RHD: variants seen among roughly 807,000 people sequenced by gnomAD.
RHD encodes the protein blood group Rh(D) polypeptide.
Under a neutral mutation model 45.5 loss-of-function variants are expected in RHD, and 16 were observed. The ratio of observed to expected loss-of-function variants is 0.35; its 90% confidence interval spans 0.24 to 0.53. The LOEUF (loss-of-function observed/expected upper bound fraction) is 0.53, where lower values mean the gene tolerates loss of function less well. RHD is among the 20% of genes least tolerant of loss of function. The pLI is 0.92. For missense variants in RHD, 306 were observed against 532.0 expected, an observed-to-expected ratio of 0.58 and a Z score of 4.18; for synonymous variants, 131 against 217.5, an observed-to-expected ratio of 0.60 and a Z score of 3.50.
chr1:25,299,551 C>A (rs1420628823), intron 3 of RHD, among the ~76,000 whole-genome samples: 1 of 129,910 alleles, frequency 7.7e-6, no homozygotes, highest in Non-Finnish European at 1.8e-5. Context: ...GCATTTCAGG[C>A]AGCTGAATGA....
chr1:25,303,589 G>A lies in RHD; in HGVS notation c.939+130G>A, dbSNP rs1643568989. The A allele has an allele frequency of 4.1e-6, 4 of 971,746 alleles. 1 individual carries two copies. Among genetic ancestry groups the A allele is most frequent in the Non-Finnish European group, 6.3e-6 (4 of 633,166 alleles). 60.2% of individuals were successfully genotyped at this position (971,746 alleles called of 1,614,324 possible). On this transcript the variant is annotated intron_variant, in intron 6 of 9. Coordinates refer to ENST00000328664, the MANE Select transcript of RHD (RefSeq NM_016124.6). ...GGCGCATTCTCTTATTGGCTTCAACGCCTAGTGAGGGATCCATCCTGGCTC... is the reference window on the plus strand; with the variant it reads ...GGCGCATTCTCTTATTGGCTTCAACACCTAGTGAGGGATCCATCCTGGCTC...
At position 25,299,827 on chromosome 1, in the gene RHD, A is replaced by G. The variant is rs1444698967; in HGVS notation, c.487-1119A>G. 4.6e-5 allele frequency among the ~76,000 whole-genome samples: 6 copies of G among 131,454 alleles called. 2 individuals carry two copies. Among genetic ancestry groups the G allele is most frequent in the Non-Finnish European group, 7.2e-5 (4 of 55,760 alleles). 86.2% of individuals were successfully genotyped at this position (131,454 alleles called of 152,430 possible). Reference sequence around the variant, plus strand: ...TGCAGTGGCGACATCTCAGCTCACTATAGCCTCCGCCTCCCAGGTTCCAGT... The same window carrying G: ...TGCAGTGGCGACATCTCAGCTCACTGTAGCCTCCGCCTCCCAGGTTCCAGT... On this transcript the variant is annotated intron_variant, in intron 3 of 9. Transcript: ENST00000328664.
At chr1:25,295,637 C>T (rs1642870043) in intron 3 of RHD, among the ~76,000 whole-genome samples, 1 of 104,942 alleles carries the variant, frequency 9.5e-6, no homozygotes, top group African/African-American at 3.2e-5. Flanking sequence ...GTCAAGGAGC[C>T]GAGAGGGAAG....
At position 25,282,931 on chromosome 1, in the gene RHD, T is replaced by G. The variant is rs536296290; in HGVS notation, c.149-1642T>G. ...TGTCTACATGCTGGTTGCAGAAAAT[T>G]TAAACACTAAAACTAAAAAAGTAAA... On this transcript the variant is annotated intron_variant, in intron 1 of 9. Transcript: ENST00000328664. 2.3e-5 allele frequency among the ~76,000 whole-genome samples: 3 copies of G among 131,502 alleles called. 1 individual carries two copies. The highest frequency in any genetic ancestry group is 5.4e-5 in the Non-Finnish European group (3 of 55,492). 86.3% of individuals were successfully genotyped at this position (131,502 alleles called of 152,430 possible). A position where few individuals can be genotyped will look rare whatever the true frequency, so the allele number is the denominator to read the frequency against.
Position 25,290,215 on chromosome 1 carries a change from T to C in RHD, c.336-426T>C, listed in dbSNP as rs1290446407. Among the ~76,000 whole-genome samples the C allele has an allele frequency of 1.2e-3, 160 of 128,440 alleles. 8 individuals carry two copies. Among genetic ancestry groups the C allele is most frequent in the African/African-American group, 3.3e-3 (120 of 36,910 alleles). The allele number at this position is 128,440 out of a possible 152,430, so 84.3% of individuals were successfully genotyped here. Reference sequence around the variant, plus strand: ...CCCAGATGGGGATGGGGTGACTGGATGTGGGCAGGCCTGCGGGGGAAGAGT... The same window carrying C: ...CCCAGATGGGGATGGGGTGACTGGACGTGGGCAGGCCTGCGGGGGAAGAGT... On this transcript the variant is annotated intron_variant, in intron 2 of 9. Coordinates refer to ENST00000328664, the MANE Select transcript of RHD (RefSeq NM_016124.6).
In RHD at chr1:25,299,206, A is replaced by AC. The variant is rs1306124447; in HGVS notation, c.487-1736dup. The stretch of plus-strand genomic sequence containing the variant: ...AGACCAGGCTGGGGAACATGGTGAA[A>AC]CCCCGTCTCTACTAAAAATACAAAA... On this transcript the variant is annotated intron_variant, in intron 3 of 9. Coordinates refer to ENST00000328664, the MANE Select transcript of RHD (RefSeq NM_016124.6). Among the ~76,000 whole-genome samples the AC allele has an allele frequency of 2.3e-5, 3 of 127,830 alleles. No homozygotes were observed. The East Asian group carries it at 5.9e-4, about 25-fold the overall frequency. The allele number at this position is 127,830 out of a possible 152,430, so 83.9% of individuals were successfully genotyped here.
intron 1 of RHD, among the ~76,000 whole-genome samples, chr1:25,276,532 T>TAAAAAAAAAAAAAAAAAAAAA (rs557746335): frequency 2.3e-4 from 15 of 64,780 alleles, no homozygotes; most frequent in African/African-American, 1.0e-3. Context: ...CCCCCATCTC[T>TAAAAAAAAAAAAAAAAAAAAA]AAAAAAAAAA....
intron 6 of RHD, chr1:25,304,962 T>C (rs1259242744): frequency 7.5e-6 from 1 of 132,558 alleles, no homozygotes; most frequent in Non-Finnish European, 1.8e-5. Context: ...CATTCATTCA[T>C]ATATTCATTC....
intron 3 of RHD, among the ~76,000 whole-genome samples, chr1:25,299,253 G>T (rs1643193684): frequency 7.8e-6 from 1 of 128,450 alleles, no homozygotes. Context: ...ACGGTGGTGG[G>T]TGCCTGTAAT....
chr1:25,295,672 G>C lies in RHD; in HGVS notation c.486+4881G>C, dbSNP rs1377252293. Among the ~76,000 whole-genome samples, 4 of 106,738 alleles carry C rather than the reference G, an allele frequency of 3.7e-5. 1 individual carries two copies. The highest frequency in any genetic ancestry group is 2.8e-4 in the South Asian group (1 of 3,624). 70.0% of individuals were successfully genotyped at this position (106,738 alleles called of 152,430 possible). The stretch of plus-strand genomic sequence containing the variant: ...GGAGTTGGGTGGACTAAGATCATTT[G>C]TGGAAGAATGATGGAGAGAAAGGCT... On this transcript the variant is annotated intron_variant, in intron 3 of 9. Coordinates refer to ENST00000328664, the MANE Select transcript of RHD (RefSeq NM_016124.6).
At chr1:25,285,688 G>A (rs1286820379) in intron 2 of RHD, among the ~76,000 whole-genome samples, 4 of 135,338 alleles carry the variant, frequency 3.0e-5, no homozygotes, top group African/African-American at 1.0e-4. Flanking sequence ...ATGTTCACCT[G>A]GGTGATGATT....
At position 25,302,696 on chromosome 1, in the gene RHD, C is replaced by G. The variant is rs181973482; in HGVS notation, c.802-626C>G. Among the ~76,000 whole-genome samples the G allele has an allele frequency of 2.7e-3, 355 of 130,134 alleles. 93 individuals are homozygous for G. Among genetic ancestry groups the G allele is most frequent in the Non-Finnish European group, 2.6e-3 (143 of 55,112 alleles). The allele number at this position is 130,134 out of a possible 152,430, so 85.4% of individuals were successfully genotyped here. ...CCAGTCACACAGGGTGGCACAGGCACCAAGTAGCCAATAATAATAATAAAA... is the reference window on the plus strand; with the variant it reads ...CCAGTCACACAGGGTGGCACAGGCAGCAAGTAGCCAATAATAATAATAAAA... On this transcript the variant is annotated intron_variant, in intron 5 of 9. Transcript: ENST00000328664.
chr1:25,312,509 T>C lies in RHD; in HGVS notation c.1074-4491T>C, dbSNP rs1021634933. Among the ~76,000 whole-genome samples, 28 of 129,784 alleles carry C rather than the reference T, an allele frequency of 2.2e-4. 3 individuals carry two copies. Among genetic ancestry groups the C allele is most frequent in the South Asian group, 9.6e-4 (4 of 4,164 alleles). 85.1% of individuals were successfully genotyped at this position (129,784 alleles called of 152,430 possible). On this transcript the variant is annotated intron_variant, in intron 7 of 9. Transcript: ENST00000328664. ...CCTGTAATCCCAGTGATTTGGGAGG[T>C]TGAGGTGGGAGGATTGCTTGAGCCC...
At position 25,311,328 on chromosome 1, in the gene RHD, G is replaced by A. The variant is rs2124706940; in HGVS notation, c.1073+4599G>A. On this transcript the variant is annotated intron_variant, in intron 7 of 9. Coordinates refer to ENST00000328664, the MANE Select transcript of RHD (RefSeq NM_016124.6). Reference sequence around the variant, plus strand: ...AAGAACATTTTCAGCTGAGAACACTGAGAGTGTGACACAACTACCGACTGA... The same window carrying A: ...AAGAACATTTTCAGCTGAGAACACTAAGAGTGTGACACAACTACCGACTGA... Among the ~76,000 whole-genome samples the A allele has an allele frequency of 1.5e-5, 2 of 131,892 alleles. 1 individual carries two copies. The highest frequency in any genetic ancestry group is 4.6e-4 in the South Asian group (2 of 4,312). The allele number at this position is 131,892 out of a possible 152,430, so 86.5% of individuals were successfully genotyped here. A position where few individuals can be genotyped will look rare whatever the true frequency, so the allele number is the denominator to read the frequency against.
At chr1:25,302,640 AG>A (rs1374673506) in intron 5 of RHD, among the ~76,000 whole-genome samples, 1 of 130,132 alleles carries the variant, frequency 7.7e-6, no homozygotes, top group African/African-American at 2.7e-5. Flanking sequence ...GCTATGACCC[AG>A]GAACAAGGCC....
At chr1:25,318,413 C>T (rs1288892086) in intron 8 of RHD, 1 of 131,540 alleles carries the variant, frequency 7.6e-6, no homozygotes, top group Non-Finnish European at 1.8e-5. Flanking sequence ...CATGGCAAAA[C>T]CCTGTCTCTA....
At chr1:25,274,935 G>A (rs1212608647) in intron 1 of RHD, among the ~76,000 whole-genome samples, 1 of 131,824 alleles carries the variant, frequency 7.6e-6, no homozygotes, top group South Asian at 2.3e-4. Flanking sequence ...GCGCCAGAGT[G>A]AGACTTCATC....
chr1:25,292,488 C>G (rs1413588968), intron 3 of RHD, among the ~76,000 whole-genome samples: 1 of 131,704 alleles, frequency 7.6e-6, no homozygotes, highest in East Asian at 2.0e-4. Context: ...ATAGACTGCA[C>G]GTGGGGTGGG....
At position 25,307,756 on chromosome 1, in the gene RHD, T is replaced by C. The variant is rs1643927946; in HGVS notation, c.1073+1027T>C. 2.3e-6 allele frequency: 3 copies of C among 1,306,580 alleles called. No homozygotes were observed. In the African/African-American group the frequency reaches 4.4e-5, roughly 19 times the overall value. The allele number at this position is 1,306,580 out of a possible 1,614,324, so 80.9% of individuals were successfully genotyped here. A position where few individuals can be genotyped will look rare whatever the true frequency, so the allele number is the denominator to read the frequency against. On this transcript the variant is annotated intron_variant, in intron 7 of 9. Transcript: ENST00000328664. Reference sequence around the variant, plus strand: ...TGGAGGCGCTGCGGTTCCTACCGGTTCTTGGATGCCTTCTACAGAGACAAC... The same window carrying C: ...TGGAGGCGCTGCGGTTCCTACCGGTCCTTGGATGCCTTCTACAGAGACAAC...
Sources: allele counts gnomAD v4.1 joint callset (sites outside exome capture counted in the v4.1 genomes callset), GRCh38; gene constraint gnomAD v4.1.1; transcripts MANE v1.5; gene names NCBI Gene and HGNC (gene_info 2026-07-23, HGNC 2026-07-21).